The following CELF5 variants were observed in gnomAD, a reference collection of about 807,000 sequenced individuals.
The protein encoded by CELF5 is CUGBP Elav-like family member 5.
A neutral mutation model predicts 54.9 loss-of-function variants in CELF5; 6 were observed. That is an observed-to-expected ratio of 0.11 (90% CI 0.06 to 0.22). The LOEUF is 0.22. CELF5 is among the 10% of genes least tolerant of loss of function. CELF5 has a pLI of 1.00. For missense variants in CELF5, 401 were observed against 678.6 expected (o/e 0.59, Z 4.54); for synonymous variants, 271 against 290.9 (o/e 0.93, Z 0.70).
rs1275931020 is a variant in CELF5 at position 3,278,284 on chromosome 19, G to A, written c.603+174G>A. On this transcript the variant is annotated intron_variant, in intron 5 of 12. Transcript: ENST00000292672. The surrounding 1 kb of genome is among the most constrained non-coding windows in gnomAD (Gnocchi z 4.5). The stretch of plus-strand genomic sequence containing the variant: ...GTCCCTGGCTGTGGTCCCTGGAGTG[G>A]GTATACACGTGTGAGTGTGTGCAGA... Among the ~76,000 whole-genome samples, 1 of 152,166 alleles carries A rather than the reference G, an allele frequency of 6.6e-6. No homozygotes were observed. The highest frequency in any genetic ancestry group is 1.5e-5 in the Non-Finnish European group (1 of 68,030).
chr19:3,283,387 GTCAC>G (rs1295609132), intron 8 of CELF5, among the ~76,000 whole-genome samples: 1 of 152,064 alleles, frequency 6.6e-6, no homozygotes, highest in African/African-American at 2.4e-5. Flanking sequence ...GTCTCACTGT[GTCAC>G]TCAGGCTGGA....
At chr19:3,292,771 CT>C (rs2080373330) in intron 11 of CELF5, among the ~76,000 whole-genome samples, 1 of 152,100 alleles carries the variant, frequency 6.6e-6, no homozygotes, top group South Asian at 2.1e-4. Flanking sequence ...TGGTATGGGC[CT>C]GTGGTCCCAG....
At chr19:3,237,901 T>C (rs1364138385) in intron 1 of CELF5, among the ~76,000 whole-genome samples, 1 of 151,394 alleles carries the variant, frequency 6.6e-6, no homozygotes, top group Non-Finnish European at 1.5e-5. Context: ...ATACAAAAAT[T>C]AGCCGGGCCT....
At chr19:3,283,932 G>A (rs573112278) in intron 8 of CELF5, among the ~76,000 whole-genome samples, 1 of 152,100 alleles carries the variant, frequency 6.6e-6, no homozygotes, top group South Asian at 2.1e-4. Flanking sequence ...CTGGGCTGAA[G>A]CGATCCTCTC....
chr19:3,294,663 A>G (rs547586393), intron 12 of CELF5: 2 of 151,798 alleles, frequency 1.3e-5, no homozygotes, highest in Non-Finnish European at 2.9e-5. Context: ...CTGAGCATCT[A>G]TTATGTGCTA....
rs185957859 is a variant in CELF5, at chr19:3,241,609, C to T, written c.260-9376C>T. On this transcript the variant is annotated intron_variant, in intron 1 of 12. Transcript: ENST00000292672. ...GGGCTGGGACACGGTGAGAGGCTCA[C>T]CTGGCGTGGGTGGGGGATAAGCTGT... Among the ~76,000 whole-genome samples, 296 of 152,000 alleles carry T rather than the reference C, an allele frequency of 1.9e-3. 3 individuals carry two copies. Among genetic ancestry groups the T allele is most frequent in the Middle Eastern group, 0.014 (4 of 294 alleles).
Position 3,297,048 on chromosome 19 carries a change from T to C in CELF5, c.*331T>C, listed in dbSNP as rs2080469036. ...AAAAAAAAAAAAAAACAACTAAAAA[T>C]TTATTTAATAAAAGTTTTACTTGCT... On this transcript the variant is annotated 3_prime_UTR_variant, in exon 13 of 13. Coordinates refer to ENST00000292672, the MANE Select transcript of CELF5 (RefSeq NM_021938.4). The C allele has an allele frequency of 6.8e-6, 1 of 147,346 alleles. No individual in the cohort carries two copies. Among genetic ancestry groups the C allele is most frequent in the African/African-American group, 2.5e-5 (1 of 40,424 alleles). 9.1% of individuals were successfully genotyped at this position (147,346 alleles called of 1,614,324 possible).
At chr19:3,248,603 A>T (rs2079599420) in intron 1 of CELF5, among the ~76,000 whole-genome samples, 2 of 151,794 alleles carry the variant, frequency 1.3e-5, no homozygotes, top group African/African-American at 4.8e-5. Context: ...TATTGTATCG[A>T]TCCCTTCATC....
intron 1 of CELF5, among the ~76,000 whole-genome samples, chr19:3,234,739 A>C (rs570581864): frequency 6.6e-6 from 1 of 152,012 alleles, no homozygotes; most frequent in South Asian, 2.1e-4. Context: ...CGCACCTCCT[A>C]TCCCTCCATC....
chr19:3,241,149 A>G (rs944682067), intron 1 of CELF5, among the ~76,000 whole-genome samples: 1 of 150,046 alleles, frequency 6.7e-6, no homozygotes, highest in Non-Finnish European at 1.5e-5. Context: ...GCACCCACCA[A>G]CTCCCTGGTT....
At chr19:3,255,735 C>T (rs1250333969) in intron 2 of CELF5, among the ~76,000 whole-genome samples, 1 of 152,160 alleles carries the variant, frequency 6.6e-6, no homozygotes, top group African/African-American at 2.4e-5. Flanking sequence ...ATGGGTAACA[C>T]TTTCTCCACC....
chr19:3,269,326 C>T (rs1161509973), intron 2 of CELF5, among the ~76,000 whole-genome samples: 1 of 152,122 alleles, frequency 6.6e-6, no homozygotes, highest in East Asian at 1.9e-4. Context: ...CAGGCGTGCA[C>T]TACCGCACCT....
At chr19:3,253,677 AC>A (rs1356098984) in intron 2 of CELF5, among the ~76,000 whole-genome samples, 1 of 152,154 alleles carries the variant, frequency 6.6e-6, no homozygotes, top group African/African-American at 2.4e-5. Context: ...CCAGCTCAAT[AC>A]TGGACTTGTC....
intron 10 of CELF5, among the ~76,000 whole-genome samples, chr19:3,287,811 G>C (rs2080279177): frequency 2.0e-5 from 3 of 151,686 alleles, no homozygotes; most frequent in Non-Finnish European, 4.4e-5. Context: ...TAAGAGAAAA[G>C]AAAGATGGGA....
At chr19:3,246,815 A>G (rs891681265) in intron 1 of CELF5, among the ~76,000 whole-genome samples, 1 of 152,210 alleles carries the variant, frequency 6.6e-6, no homozygotes, top group Non-Finnish European at 1.5e-5. Context: ...TGGATAAGCA[A>G]TTTTTAGTGT....
In CELF5 at chr19:3,297,034, A is replaced by AAG. The variant is rs962249105; in HGVS notation, c.*318_*319insGA. The AAG allele has an allele frequency of 6.6e-6, 1 of 151,532 alleles. No homozygotes were observed. Among genetic ancestry groups the AAG allele is most frequent in the Non-Finnish European group, 1.5e-5 (1 of 67,910 alleles). The allele number at this position is 151,532 out of a possible 1,614,324, so 9.4% of individuals were successfully genotyped here. ...GTCTGGAGAAAAAAAAAAAAAAAAA[A>AAG]AAACAACTAAAAATTTATTTAATAA... On this transcript the variant is annotated 3_prime_UTR_variant, in exon 13 of 13. Transcript: ENST00000292672.
chr19:3,296,052 A>G, intron 12 of CELF5: 1 of 113,802 alleles, frequency 8.8e-6, no homozygotes, highest in East Asian at 2.0e-4. Flanking sequence ...TCATACCTCT[A>G]CAGAGATTTT....
chr19:3,288,679 C>A (rs2080293218), intron 10 of CELF5, among the ~76,000 whole-genome samples: 1 of 152,184 alleles, frequency 6.6e-6, no homozygotes, highest in Middle Eastern at 3.4e-3. Context: ...GAGACCCCAT[C>A]TCTACAAAAA....
chr19:3,248,902 C>CTTCCTTCCT (rs1555719718), intron 1 of CELF5, among the ~76,000 whole-genome samples: 1 of 122,772 alleles, frequency 8.1e-6, no homozygotes, highest in Non-Finnish European at 1.7e-5. Context: ...TCCTTCCTTC[C>CTTCCTTCCT]TTCCTTTCTT....
Sources: allele counts gnomAD v4.1 joint callset (sites outside exome capture counted in the v4.1 genomes callset), GRCh38; gene constraint gnomAD v4.1.1; non-coding constraint Gnocchi (gnomAD v3.1); transcripts MANE v1.5; gene names NCBI Gene and HGNC (gene_info 2026-07-23, HGNC 2026-07-21).